MAGT1: variants seen among roughly 807,000 people sequenced by gnomAD.
The protein encoded by MAGT1 is magnesium transporter 1, also known as dolichyl-diphosphooligosaccharide--protein glycosyltransferase subunit MAGT1.
Under a neutral mutation model 28.4 loss-of-function variants are expected in MAGT1, and 4 were observed. The ratio of observed to expected loss-of-function variants is 0.14; its 90% CI spans 0.07 to 0.32. MAGT1 has a LOEUF of 0.32. MAGT1 is among the 10% of genes least tolerant of loss of function. MAGT1 has a pLI of 1.00. For synonymous variants in MAGT1, 89 were observed against 89.7 expected (o/e 0.99, Z 0.04); for missense variants, 193 against 264.5 (o/e 0.73, Z 1.88).
chrX:77,870,246 T>C (rs1453249468), intron 3 of MAGT1, among the ~76,000 whole-genome samples: 2 of 109,881 alleles, frequency 1.8e-5, no homozygotes, highest in Non-Finnish European at 3.8e-5. Context: ...TTGGGAACTT[T>C]GGGGGAAAAA....
chrX:77,867,411 C>G (rs2149022471), intron 3 of MAGT1, among the ~76,000 whole-genome samples: 1 of 67,419 alleles, frequency 1.5e-5, no homozygotes, highest in Non-Finnish European at 4.0e-5. Context: ...CAGCCTCAAA[C>G]TGATCTCAAG....
intron 7 of MAGT1, among the ~76,000 whole-genome samples, chrX:77,849,018 AT>A (rs1180542716): frequency 7.2e-5 from 8 of 110,652 alleles, no homozygotes; most frequent in Admixed American, 1.9e-4. Context: ...CTCTAAAAAA[AT>A]AAACATAAAA....
At chrX:77,871,616 G>C (rs1289557027) in intron 2 of MAGT1, among the ~76,000 whole-genome samples, 1 of 111,704 alleles carries the variant, frequency 9.0e-6, no homozygotes, top group Non-Finnish European at 1.9e-5. Context: ...GGCTGAGGCA[G>C]GCGGATCACA....
At chrX:77,859,571 A>G (rs2076989615) in intron 3 of MAGT1, among the ~76,000 whole-genome samples, 1 of 112,316 alleles carries the variant, frequency 8.9e-6, no homozygotes, top group East Asian at 2.8e-4. Flanking sequence ...TTTTTTAATT[A>G]AAATGGATAT....
intron 7 of MAGT1, among the ~76,000 whole-genome samples, chrX:77,842,833 AAAAG>A (rs2076939463): frequency 9.0e-6 from 1 of 111,605 alleles, no homozygotes; most frequent in Non-Finnish European, 1.9e-5. Context: ...TCTCAAAAAA[AAAAG>A]AAAAAGAAAA....
At chrX:77,873,690 C>G (rs112346305) in intron 2 of MAGT1, among the ~76,000 whole-genome samples, 2 of 111,504 alleles carry the variant, frequency 1.8e-5, no homozygotes, top group Non-Finnish European at 3.8e-5. Context: ...AGAAACATCG[C>G]TAAATCATGG....
intron 7 of MAGT1, among the ~76,000 whole-genome samples, chrX:77,852,703 C>T (rs1239231965): frequency 1.8e-5 from 2 of 111,065 alleles, no homozygotes; most frequent in African/African-American, 6.5e-5. Flanking sequence ...TTGATCCTCC[C>T]ACCTCAGCCT....
chrX:77,854,694 G>A (rs2076977046), intron 6 of MAGT1, among the ~76,000 whole-genome samples: 1 of 108,099 alleles, frequency 9.3e-6, no homozygotes, highest in East Asian at 2.9e-4. Flanking sequence ...TGTCCAGGCT[G>A]GGCTAGAACT....
At chrX:77,836,934 A>T (rs139102419) in intron 8 of MAGT1, among the ~76,000 whole-genome samples, 2,511 of 111,526 alleles carry the variant, frequency 0.023, 70 homozygotes, top group African/African-American at 0.078. Flanking sequence ...GCACATACGT[A>T]TATACAGCAT....
intron 2 of MAGT1, among the ~76,000 whole-genome samples, chrX:77,874,863 T>A (rs2149024857): frequency 9.2e-6 from 1 of 108,870 alleles, no homozygotes; most frequent in South Asian, 4.0e-4. Flanking sequence ...ATACTGATTT[T>A]TTTTTTTTTT....
intron 6 of MAGT1, among the ~76,000 whole-genome samples, chrX:77,854,501 GTTGTT>G (rs1176063411): frequency 9.0e-6 from 1 of 110,993 alleles, no homozygotes. Context: ...AGTTGTTGTT[GTTGTT>G]TTTTCTTTTC....
chrX:77,890,237 T>A (rs1164689950), intron 1 of MAGT1, among the ~76,000 whole-genome samples: 1 of 112,307 alleles, frequency 8.9e-6, no homozygotes, highest in African/African-American at 3.2e-5. Context: ...CTTCAGATGT[T>A]AGTATGAAGT....
chrX:77,889,296 T>C (rs2077075392), intron 1 of MAGT1, among the ~76,000 whole-genome samples: 1 of 104,737 alleles, frequency 9.5e-6, no homozygotes, highest in South Asian at 4.3e-4. Context: ...CTTTTTTAAA[T>C]TTAAATTTAA....
chrX:77,841,847 T>C (rs1020526708), intron 7 of MAGT1, among the ~76,000 whole-genome samples: 1 of 90,227 alleles, frequency 1.1e-5, no homozygotes, highest in Non-Finnish European at 2.3e-5. Context: ...AGTTAAATTC[T>C]GTAATTTTTT....
chrX:77,835,627 A>T (rs145937752), intron 8 of MAGT1, among the ~76,000 whole-genome samples: 1,503 of 111,744 alleles, frequency 0.013, 17 homozygotes, highest in Non-Finnish European at 0.021. Context: ...TACCGAAGAG[A>T]TATCTGTACT....
chrX:77,889,741 T>A (rs1370953304), intron 1 of MAGT1, among the ~76,000 whole-genome samples: 4 of 111,581 alleles, frequency 3.6e-5, no homozygotes, highest in African/African-American at 9.8e-5. Flanking sequence ...CATCACATCA[T>A]GTAAAACGAG....
At chrX:77,878,494 GA>G (rs1319932520) in intron 1 of MAGT1, among the ~76,000 whole-genome samples, 45 of 77,956 alleles carry the variant, frequency 5.8e-4, no homozygotes, top group South Asian at 2.6e-3. Flanking sequence ...AAGAAAAAAA[GA>G]AAAAAAAAAA....
At chrX:77,876,165 T>TATATATATATATATATATATA (rs1491126690) in intron 1 of MAGT1, among the ~76,000 whole-genome samples, 1 of 13,368 alleles carries the variant, frequency 7.5e-5, no homozygotes, top group African/African-American at 1.9e-4. Context: ...TATATATATA[T>TATATATATATATATATATATA]TTTTTTTTTT....
At position 77,837,808 on chromosome X, in the gene MAGT1, T is replaced by C. The variant is rs190182457; in HGVS notation, c.901+3438A>G. Among the ~76,000 whole-genome samples the C allele has an allele frequency of 3.6e-5, 4 of 111,798 alleles. No individual in the cohort carries two copies. The Admixed American group carries it at 3.8e-4, about 11-fold the overall frequency. ...CCCAGGCTGGAGTGCAGTAGCGCGATCTCGGCTCACTGCAACTTCCGCCTC... is the reference window on the plus strand; with the variant it reads ...CCCAGGCTGGAGTGCAGTAGCGCGACCTCGGCTCACTGCAACTTCCGCCTC... On this transcript the variant is annotated intron_variant, in intron 8 of 9. Transcript: ENST00000618282.
Sources: allele counts gnomAD v4.1 joint callset (sites outside exome capture counted in the v4.1 genomes callset), GRCh38; gene constraint gnomAD v4.1.1; transcripts MANE v1.5; gene names NCBI Gene and HGNC (gene_info 2026-07-23, HGNC 2026-07-21).